The following DCTN1 variants were observed in gnomAD, a reference collection of about 807,000 sequenced individuals.
The protein encoded by DCTN1 is 150 kDa dynein-associated polypeptide.
In DCTN1, 61 loss-of-function variants were observed where a neutral mutation model predicts 161.2. That is an observed-to-expected ratio of 0.38 (90% CI 0.31 to 0.47). The LOEUF (loss-of-function observed/expected upper bound fraction) is 0.47. Ranked by LOEUF, DCTN1 falls within the 20% of genes least tolerant of loss-of-function variation. The probability of loss-of-function intolerance (pLI) is 0.99; values close to 1 mark genes in which losing one functional copy is unlikely to be tolerated. For synonymous variants in DCTN1, 653 were observed against 632.4 expected (o/e 1.03, Z -0.49); for missense variants, 1,404 against 1,623.7 (o/e 0.86, Z 2.33).
chr2:74,380,374 G>T, upstream of DCTN1: 1 of 509,568 alleles, frequency 2.0e-6, no homozygotes. Context: ...GTGCCCCCCT[G>T]CTTCACGTGG....
At chr2:74,388,277 GATCACT>G (rs1451281880) in intron 1 of DCTN1, among the ~76,000 whole-genome samples, 5 of 152,272 alleles carry the variant, frequency 3.3e-5, no homozygotes, top group African/African-American at 1.2e-4. Context: ...GGCTGAGGGG[GATCACT>G]TGAGGCCAGG....
At chr2:74,371,473 C>A in intron 8 of DCTN1, 64 bp downstream of exon 8, 1 of 1,488,666 alleles carries the variant, frequency 6.7e-7, no homozygotes, top group Non-Finnish European at 9.1e-7. Flanking sequence ...ATTTTCAAGA[C>A]ACAGCGGGTA....
At position 74,376,780 on chromosome 2, in the gene DCTN1, A is replaced by G. The variant is rs1675252459; in HGVS notation, c.394-18T>C. 1 of 1,601,350 alleles carries G rather than the reference A, an allele frequency of 6.2e-7. No homozygotes were observed. The highest frequency in any genetic ancestry group is 1.3e-5 in the African/African-American group (1 of 74,816). On this transcript the variant is annotated intron_variant, in intron 4 of 31. Transcript: ENST00000628224. Reference sequence around the variant, plus strand: ...AGTCCCCGCTGCATGAGGAGTAGGAAAGGGCAGAGTTAGAGAACAGATGTC... The same window carrying G: ...AGTCCCCGCTGCATGAGGAGTAGGAGAGGGCAGAGTTAGAGAACAGATGTC...
chr2:74,381,577 T>C (rs911773854), upstream of DCTN1, among the ~76,000 whole-genome samples: 2 of 152,196 alleles, frequency 1.3e-5, no homozygotes, highest in African/African-American at 4.8e-5. Context: ...GCCAGGCACA[T>C]CCTTGCAGCC....
chr2:74,382,201 T>C (rs772366586), upstream of DCTN1, among the ~76,000 whole-genome samples: 12 of 152,226 alleles, frequency 7.9e-5, no homozygotes, highest in Non-Finnish European at 1.3e-4. Flanking sequence ...TAGGTATCAA[T>C]AGTCCCCTAA....
At chr2:74,374,994 A>T (rs887387503) in intron 5 of DCTN1, among the ~76,000 whole-genome samples, 2 of 151,956 alleles carry the variant, frequency 1.3e-5, no homozygotes, top group South Asian at 2.1e-4. Flanking sequence ...TCATACTCAC[A>T]TTCTGCCCCC....
upstream of DCTN1, chr2:74,380,351 C>G (rs184149028): frequency 5.6e-4 from 296 of 531,322 alleles, no homozygotes; most frequent in African/African-American, 4.7e-3. Context: ...ACCGTGCTAG[C>G]CTCTGGGTCC....
In DCTN1 at chr2:74,369,229, A is replaced by G; in HGVS notation, c.1585-15T>C. ...CGATTCACATCCTAGGAGGAGAGACAGTGAAGCACAGCTGGGTCATAAGGA... is the reference window on the plus strand; with the variant it reads ...CGATTCACATCCTAGGAGGAGAGACGGTGAAGCACAGCTGGGTCATAAGGA... On this transcript the variant is annotated splice_polypyrimidine_tract_variant and intron_variant, in intron 14 of 31. Coordinates refer to ENST00000628224, the MANE Select transcript of DCTN1 (RefSeq NM_004082.5). This position sits in a 1 kb window ranked among gnomAD's most constrained non-coding sequence, Gnocchi z 4.9. 2 of 1,614,180 alleles carry G rather than the reference A, an allele frequency of 1.2e-6. No homozygotes were observed. Among genetic ancestry groups the G allele is most frequent in the Non-Finnish European group, 1.7e-6 (2 of 1,180,012 alleles).
Position 74,370,227 on chromosome 2 carries a change from G to A in DCTN1, c.1246C>T (p.Leu416=). 6.2e-7 allele frequency: 1 copy of A among 1,613,968 alleles called. No homozygotes were observed. Among genetic ancestry groups the A allele is most frequent in the Non-Finnish European group, 8.5e-7 (1 of 1,180,038 alleles). ...TCAATGGTGCTCTCTGCCTGGCTTA[G>A]CTCCTCCTGCAGACGCTCCCGCTGT... ...RQQRERLQEE[L]SQAESTIDEL... The change falls in exon 12 of 32, where the codon CTA becomes TTA. Residue 416 remains leucine, a synonymous_variant. Transcript: ENST00000628224. The surrounding 1 kb of genome is among the most constrained non-coding windows in gnomAD (Gnocchi z 4.4).
intron 17 of DCTN1, 39 bp from the exon 18 acceptor site, chr2:74,367,903 C>A: frequency 1.2e-6 from 2 of 1,614,204 alleles, no homozygotes; most frequent in Middle Eastern, 1.6e-4. Context: ...CTAGAGTCTG[C>A]CAGGCAATCT....
In DCTN1 at chr2:74,370,649, C is replaced by T; in HGVS notation, c.1020G>A (p.Glu340=). 6.2e-7 allele frequency: 1 copy of T among 1,614,224 alleles called. No individual in the cohort carries two copies. Among genetic ancestry groups the T allele is most frequent in the Non-Finnish European group, 8.5e-7 (1 of 1,180,050 alleles). The change falls in exon 10 of 32, where the codon GAG becomes GAA. Residue 340 remains glutamate (E), a synonymous_variant. Coordinates refer to ENST00000628224, the MANE Select transcript of DCTN1 (RefSeq NM_004082.5). This position sits in a 1 kb window ranked among gnomAD's most constrained non-coding sequence, Gnocchi z 4.4. The part of the protein sequence containing the change: ...ERVDELTTDL[E]ILKAEIEEKG... ...TCTCTTCAATCTCAGCCTTGAGGAT[C>T]TCTAAGTCAGTAGTGAGCTCGTCCA...
Position 74,362,129 on chromosome 2 carries a change from T to G in DCTN1, c.3622A>C (p.Lys1208Gln), listed in dbSNP as rs1328356497. The G allele has an allele frequency of 6.2e-7, 1 of 1,613,708 alleles. No individual in the cohort carries two copies. Among genetic ancestry groups the G allele is most frequent in the Admixed American group, 1.7e-5 (1 of 60,008 alleles). ...CCAGGGCGCTGAGATACTGTCTCCT[T>G]GAGGACCTCATCCTAGGGAAGGGGA... ...TVEKLKDEVL[K>Q]ETVSQRPGAT... The change falls in exon 31 of 32, where the codon AAG (lysine) becomes CAG (glutamine). Residue 1208 changes from lysine (K) to glutamine (Q), a missense_variant. By Grantham distance (53) the Lys-to-Gln change is moderately conservative. Transcript: ENST00000628224.
In DCTN1 at chr2:74,371,144, G is replaced by C; in HGVS notation, c.678C>G (p.Asp226Glu). The C allele has an allele frequency of 2.5e-6, 4 of 1,613,918 alleles. No homozygotes were observed. The highest frequency in any genetic ancestry group is 3.4e-6 in the Non-Finnish European group (4 of 1,180,022). The part of the protein sequence containing the change: ...EEEGLRAQVR[D>E]LEEKLETLRL... ...TCAGGGTCTCTAGTTTCTCCTCCAGGTCCCGCACCTGAGCCCTTAGTCCCT... is the reference window on the plus strand; with the variant it reads ...TCAGGGTCTCTAGTTTCTCCTCCAGCTCCCGCACCTGAGCCCTTAGTCCCT... Residue 226 changes from aspartate to glutamate, a missense_variant, in exon 9 of 32, where the codon GAC becomes GAG. Asp to Glu is a conservative substitution (Grantham distance 45). Around this residue, in one of 9 missense-constraint regions of DCTN1, gnomAD observed 67 missense variants for 116.3 expected, o/e 0.58. Coordinates refer to ENST00000628224, the MANE Select transcript of DCTN1 (RefSeq NM_004082.5).
chr2:74,388,607 T>C (rs1392444859), intron 1 of DCTN1, among the ~76,000 whole-genome samples: 4 of 152,208 alleles, frequency 2.6e-5, no homozygotes. Flanking sequence ...GAGCTAATCA[T>C]TCCCTCCTCT....
intron 7 of DCTN1, chr2:74,372,089 T>C: frequency 6.3e-6 from 2 of 319,394 alleles, no homozygotes; most frequent in Non-Finnish European, 1.2e-5. Flanking sequence ...CCCCCATCTA[T>C]GACCCACTTG....
chr2:74,378,297 C>T, intron 1 of DCTN1, 52 bp from the exon 2 acceptor site: 2 of 1,596,918 alleles, frequency 1.3e-6, no homozygotes, highest in Non-Finnish European at 1.7e-6. Flanking sequence ...TCAAAGGTGG[C>T]ATTCTTATGT....
At chr2:74,379,297 A>G (rs1172850310) in intron 1 of DCTN1, among the ~76,000 whole-genome samples, 1 of 152,180 alleles carries the variant, frequency 6.6e-6, no homozygotes, top group Non-Finnish European at 1.5e-5. Context: ...CCATCATCCT[A>G]AAGACTCTAT....
rs989875626 is a variant in DCTN1, at chr2:74,368,983, G to A, written c.1702-103C>T. ...TCCCTTGCTTCTAGGGCAAGCCCAGGCCAGAGTCTTCCAAACCACCACACA... is the reference window on the plus strand; with the variant it reads ...TCCCTTGCTTCTAGGGCAAGCCCAGACCAGAGTCTTCCAAACCACCACACA... On this transcript the variant is annotated intron_variant, in intron 15 of 31. Coordinates refer to ENST00000628224, the MANE Select transcript of DCTN1 (RefSeq NM_004082.5). The A allele has an allele frequency of 2.9e-5, 45 of 1,568,624 alleles. 1 individual carries two copies. In the East Asian group the frequency reaches 1.0e-3, roughly 35 times the overall value.
chr2:74,390,088 A>G (rs1483000831), intron 1 of DCTN1, among the ~76,000 whole-genome samples: 1 of 152,222 alleles, frequency 6.6e-6, no homozygotes, highest in Non-Finnish European at 1.5e-5. Flanking sequence ...TGCTTAAGAT[A>G]CTTTTCTAGT....
Sources: allele counts gnomAD v4.1 joint callset (sites outside exome capture counted in the v4.1 genomes callset), GRCh38; gene constraint gnomAD v4.1.1; regional missense constraint gnomAD v4.1.1; non-coding constraint Gnocchi (gnomAD v3.1); transcripts MANE v1.5; gene names NCBI Gene and HGNC (gene_info 2026-07-23, HGNC 2026-07-21).